TNPO1: variants seen among roughly 807,000 people sequenced by gnomAD.
The protein encoded by TNPO1 is transportin 1, also known as transportin-1.
Under a neutral mutation model 119.5 loss-of-function variants are expected in TNPO1, and 8 were observed. The ratio of observed to expected loss-of-function variants is 0.07; its 90% confidence interval spans 0.04 to 0.12. TNPO1 has a LOEUF of 0.12. TNPO1 is among the 10% of genes least tolerant of loss of function. TNPO1 has a pLI of 1.00. For missense variants in TNPO1, 576 were observed against 1,089.8 expected (o/e 0.53, Z 6.64); for synonymous variants, 362 against 363.0 (o/e 1.00, Z 0.03).
rs548829525 is a variant in TNPO1 at position 72,857,618 on chromosome 5, G to A, written c.355+1695G>A. On this transcript the variant is annotated intron_variant, in intron 4 of 24. Coordinates refer to ENST00000337273, the MANE Select transcript of TNPO1 (RefSeq NM_002270.4). Reference sequence around the variant, plus strand: ...GGATCCAGGAGAGAAATCTCCATACGTAAGTGGAATGGAATTTAGAAGGAA... The same window carrying A: ...GGATCCAGGAGAGAAATCTCCATACATAAGTGGAATGGAATTTAGAAGGAA... 2.6e-5 allele frequency among the ~76,000 whole-genome samples: 4 copies of A among 152,336 alleles called. No homozygotes were observed. The South Asian group carries it at 6.2e-4, about 24-fold the overall frequency.
At chr5:72,881,147 GT>G (rs1373880673) in intron 9 of TNPO1, among the ~76,000 whole-genome samples, 1 of 151,960 alleles carries the variant, frequency 6.6e-6, no homozygotes, top group Middle Eastern at 3.2e-3. Context: ...GTCGCACTCT[GT>G]TTCCCAGGCT....
chr5:72,872,873 A>G lies in TNPO1; in HGVS notation c.678+153A>G, dbSNP rs538306063. ...TTAAATTATTTCTGATAGTATTAAAACTGGATATGGGATAGACTAACTTTT... is the reference window on the plus strand; with the variant it reads ...TTAAATTATTTCTGATAGTATTAAAGCTGGATATGGGATAGACTAACTTTT... On this transcript the variant is annotated intron_variant, in intron 7 of 24. Coordinates refer to ENST00000337273, the MANE Select transcript of TNPO1 (RefSeq NM_002270.4). Among the ~76,000 whole-genome samples the G allele has an allele frequency of 1.7e-4, 26 of 152,210 alleles. No homozygotes were observed. The East Asian group carries it at 4.6e-3, about 27-fold the overall frequency.
chr5:72,904,572 G>T (rs1750005043), intron 23 of TNPO1, among the ~76,000 whole-genome samples: 1 of 152,160 alleles, frequency 6.6e-6, no homozygotes, highest in Non-Finnish European at 1.5e-5. Flanking sequence ...GAGGCAGGTG[G>T]ATCACCTGAG....
intron 6 of TNPO1, among the ~76,000 whole-genome samples, chr5:72,866,267 C>T (rs969229357): frequency 6.6e-6 from 1 of 152,182 alleles, no homozygotes. Context: ...ATATGTTTAG[C>T]TCCCACTTAT....
rs1335960482 is a variant in TNPO1, at chr5:72,911,167, C to T, written c.*2494C>T. 3.9e-5 allele frequency: 6 copies of T among 151,982 alleles called. No homozygotes were observed. 9.4% of individuals were successfully genotyped at this position (151,982 alleles called of 1,614,324 possible). On this transcript the variant is annotated 3_prime_UTR_variant, in exon 25 of 25. Transcript: ENST00000337273. ...GACCAAATTCGATTTAAAACAAACA[C>T]ATAACAATCTTCAGTAAAGTTATTT...
At chr5:72,838,320 A>C (rs973186310) in intron 1 of TNPO1, among the ~76,000 whole-genome samples, 38 of 152,198 alleles carry the variant, frequency 2.5e-4, no homozygotes, top group African/African-American at 7.2e-4. Flanking sequence ...CGGCAATAAA[A>C]CAGTATACTT....
chr5:72,852,459 C>G (rs1181943780), intron 3 of TNPO1, among the ~76,000 whole-genome samples: 2 of 152,198 alleles, frequency 1.3e-5, no homozygotes, highest in African/African-American at 4.8e-5. Flanking sequence ...TATTCCCTCC[C>G]TGAAACATTG....
intron 16 of TNPO1, 61 bp downstream of exon 16, chr5:72,893,307 A>G (rs1024004315): frequency 3.7e-6 from 6 of 1,606,146 alleles, no homozygotes; most frequent in Middle Eastern, 1.7e-4. Context: ...AAAGATAGGT[A>G]TAATGTATAC....
At chr5:72,870,451 C>T (rs771118493) in intron 6 of TNPO1, among the ~76,000 whole-genome samples, 7 of 151,948 alleles carry the variant, frequency 4.6e-5, no homozygotes, top group South Asian at 2.1e-4. Flanking sequence ...CGTGAGCCAC[C>T]GTGCCCAGCC....
chr5:72,846,161 G>C (rs1160104006), intron 1 of TNPO1, among the ~76,000 whole-genome samples: 1 of 152,056 alleles, frequency 6.6e-6, no homozygotes, highest in Non-Finnish European at 1.5e-5. Flanking sequence ...ATACTTTTTG[G>C]CCTAATAACC....
chr5:72,844,055 GT>G (rs1259251131), intron 1 of TNPO1, among the ~76,000 whole-genome samples: 2 of 152,146 alleles, frequency 1.3e-5, no homozygotes, highest in African/African-American at 2.4e-5. Flanking sequence ...CAACAATAGC[GT>G]TTATTCAACA....
chr5:72,903,817 A>C, intron 23 of TNPO1, 34 bp downstream of exon 23: 1 of 1,386,008 alleles, frequency 7.2e-7, no homozygotes, highest in South Asian at 1.3e-5. Context: ...CATCATCTTG[A>C]GACTGTTAAT....
At chr5:72,839,401 T>C (rs577954845) in intron 1 of TNPO1, among the ~76,000 whole-genome samples, 29 of 152,288 alleles carry the variant, frequency 1.9e-4, no homozygotes, top group Non-Finnish European at 3.8e-4. Flanking sequence ...TGTGTTGTTA[T>C]TATTTACTGG....
At chr5:72,856,074 A>G in intron 4 of TNPO1, 151 bp downstream of exon 4, 2 of 825,492 alleles carry the variant, frequency 2.4e-6, no homozygotes, top group Non-Finnish European at 3.8e-6. Context: ...GAAATGGTGT[A>G]ATCATGGTAA....
chr5:72,830,554 C>T (rs1385470419), intron 1 of TNPO1, among the ~76,000 whole-genome samples: 1 of 152,152 alleles, frequency 6.6e-6, no homozygotes, highest in Non-Finnish European at 1.5e-5. Flanking sequence ...AGATCCTGCA[C>T]ATACAAGCAC....
intron 12 of TNPO1, among the ~76,000 whole-genome samples, chr5:72,887,857 A>G (rs377154656): frequency 5.9e-5 from 9 of 152,332 alleles, no homozygotes; most frequent in African/African-American, 2.2e-4. Context: ...TTGTCCTGGC[A>G]GTAAACATCT....
Position 72,895,123 on chromosome 5 carries a change from T to TA in TNPO1, c.2144-1334dup, listed in dbSNP as rs150260716. On this transcript the variant is annotated intron_variant, in intron 18 of 24. Transcript: ENST00000337273. ...TAGTACATACTATACTATCTCTTCT[T>TA]ACAATTGTTTTTTGTTAAAGAAACC... 6.4e-3 allele frequency among the ~76,000 whole-genome samples: 978 copies of TA among 152,316 alleles called. 11 individuals carry two copies. The highest frequency in any genetic ancestry group is 0.023 in the African/African-American group (938 of 41,566).
At chr5:72,892,170 G>C (rs532641746) in intron 15 of TNPO1, among the ~76,000 whole-genome samples, 5 of 150,778 alleles carry the variant, frequency 3.3e-5, no homozygotes, top group East Asian at 3.9e-4. Flanking sequence ...TATATACCGG[G>C]ATATATATAT....
At chr5:72,848,234 T>C (rs1057210144) in intron 1 of TNPO1, 151 bp from the exon 2 acceptor site, 50 of 1,256,232 alleles carry the variant, frequency 4.0e-5, no homozygotes, top group Non-Finnish European at 4.6e-5. Context: ...GTGACTTCCT[T>C]CGGGGCACCT....
Sources: gnomAD v4.1 joint callset for allele counts (sites outside exome capture counted in the v4.1 genomes callset) on GRCh38, gnomAD v4.1.1 for gene constraint, MANE v1.5 for transcripts, NCBI Gene and HGNC (gene_info 2026-07-23, HGNC 2026-07-21) for gene names.